The following DPP6 variants were observed in gnomAD, a reference collection of about 807,000 sequenced individuals.
DPP6 encodes dipeptidyl peptidase like 6.
DPP6 carries 69 observed loss-of-function variants against 122.6 expected under a neutral mutation model. The ratio of observed to expected loss-of-function variants is 0.56; its 90% CI spans 0.46 to 0.69. The LOEUF is 0.69. DPP6 is among the 30% of genes least tolerant of loss of function. DPP6 has a pLI of 0.00. For synonymous variants in DPP6, 418 were observed against 433.1 expected (o/e 0.97, Z 0.43); for missense variants, 928 against 1,116.9 (o/e 0.83, Z 2.41).
At chr7:153,815,054 A>G in the DPP6 span, among the ~76,000 whole-genome samples, 1 of 152,222 alleles carries the variant, frequency 6.6e-6, no homozygotes, top group Admixed American at 6.5e-5. Context: ...GGCACAAGAC[A>G]GGGATGGCCT....
At chr7:154,332,014 A>G (rs1044655702) in intron 1 of DPP6, among the ~76,000 whole-genome samples, 2 of 152,162 alleles carry the variant, frequency 1.3e-5, no homozygotes, top group Non-Finnish European at 2.9e-5. Context: ...CATAGAAAGT[A>G]AGAAATACAG....
chr7:154,571,796 C>T (rs1460145570), intron 5 of DPP6, among the ~76,000 whole-genome samples: 1 of 152,174 alleles, frequency 6.6e-6, no homozygotes, highest in Non-Finnish European at 1.5e-5. Context: ...AACTGAAACA[C>T]ATAAACCAAT....
intron 10 of DPP6, among the ~76,000 whole-genome samples, chr7:154,776,190 C>T (rs1423040091): frequency 1.9e-5 from 2 of 108,038 alleles, no homozygotes; most frequent in Non-Finnish European, 4.1e-5. Context: ...CAGAAGCCCC[C>T]ATGATAGATG....
At chr7:154,323,006 A>G (rs939628301) in intron 1 of DPP6, among the ~76,000 whole-genome samples, 2 of 152,152 alleles carry the variant, frequency 1.3e-5, no homozygotes, top group Non-Finnish European at 2.9e-5. Flanking sequence ...CTTCTGTTTT[A>G]TAGTGTGTTC....
chr7:154,325,021 T>G (rs763129432), intron 1 of DPP6, among the ~76,000 whole-genome samples: 1 of 152,012 alleles, frequency 6.6e-6, no homozygotes, highest in African/African-American at 2.4e-5. Flanking sequence ...TGTACCACCA[T>G]GCTTGGCTAA....
chr7:154,341,730 C>T (rs1809951251), intron 1 of DPP6, among the ~76,000 whole-genome samples: 5 of 151,756 alleles, frequency 3.3e-5, no homozygotes, highest in Admixed American at 3.3e-4. Context: ...CACTTTTCTC[C>T]TTGATGACAT....
intron 16 of DPP6, among the ~76,000 whole-genome samples, chr7:154,813,286 T>C (rs1466266041): frequency 2.0e-5 from 3 of 151,998 alleles, no homozygotes. Flanking sequence ...GTTTTCACTG[T>C]GTTAGCCAGG....
At chr7:154,401,770 T>C (rs1052129206) in intron 1 of DPP6, among the ~76,000 whole-genome samples, 9 of 152,092 alleles carry the variant, frequency 5.9e-5, no homozygotes, top group African/African-American at 2.2e-4. Flanking sequence ...ACTAAAGAGC[T>C]TCTGCACAGC....
chr7:153,976,247 G>A (rs1309121337), intron 1 of DPP6, among the ~76,000 whole-genome samples: 1 of 152,180 alleles, frequency 6.6e-6, no homozygotes, highest in Non-Finnish European at 1.5e-5. Flanking sequence ...TGTAGAATGT[G>A]AGGGAACCAG....
At position 154,833,951 on chromosome 7, in the gene DPP6, T is replaced by C. The variant is rs1051863892; in HGVS notation, c.1667-19829T>C. Among the ~76,000 whole-genome samples the C allele has an allele frequency of 1.3e-5, 2 of 152,114 alleles. No homozygotes were observed. The highest frequency in any genetic ancestry group is 6.5e-5 in the Admixed American group (1 of 15,286). On this transcript the variant is annotated intron_variant, in intron 16 of 25. Transcript: ENST00000377770. This position sits in a 1 kb window ranked among gnomAD's most constrained non-coding sequence, Gnocchi z 4.3. ...CCCGGGGCTGCACGGATGTAGCTCATCTTCACGCAGACAAGAATAAGGACG... is the reference window on the plus strand; with the variant it reads ...CCCGGGGCTGCACGGATGTAGCTCACCTTCACGCAGACAAGAATAAGGACG...
chr7:154,055,929 GA>G (rs954626469), intron 1 of DPP6: 2 of 152,224 alleles, frequency 1.3e-5, no homozygotes, highest in African/African-American at 2.4e-5. Flanking sequence ...CTTCTGTCTG[GA>G]AATTGAGAAA....
intron 17 of DPP6, 78 bp from the exon 18 acceptor site, chr7:154,867,917 C>T (rs908457661): frequency 6.8e-7 from 1 of 1,468,928 alleles, no homozygotes; most frequent in Admixed American, 2.5e-5. Flanking sequence ...CAGTTACGCA[C>T]ATGAAAAGCC....
intron 7 of DPP6, among the ~76,000 whole-genome samples, chr7:154,678,363 A>G (rs60851048): frequency 0.11 from 16,202 of 152,260 alleles, 935 homozygotes; most frequent in East Asian, 0.15. Flanking sequence ...CACTCACTGC[A>G]AAGGTCTGCA....
chr7:154,678,812 G>A (rs1471457519), intron 7 of DPP6, among the ~76,000 whole-genome samples: 2 of 152,218 alleles, frequency 1.3e-5, no homozygotes, highest in Non-Finnish European at 2.9e-5. Flanking sequence ...GACCTTGACT[G>A]AGAGACTTAA....
chr7:154,821,651 T>TATATATATATATATACAC lies in DPP6; in HGVS notation c.1666+14552_1666+14553insTACACATATATATATATA, dbSNP rs1799782524. On this transcript the variant is annotated intron_variant, in intron 16 of 25. Coordinates refer to ENST00000377770, the MANE Select transcript of DPP6 (RefSeq NM_130797.4). This position sits in a 1 kb window ranked among gnomAD's most constrained non-coding sequence, Gnocchi z 4.2. ...CTGTATATATATATATATATACACA[T>TATATATATATATATACAC]ATATATATATATACACATATATATA... 1.2e-4 allele frequency among the ~76,000 whole-genome samples: 1 copy of TATATATATATATATACAC among 8,524 alleles called. No homozygotes were observed. The highest frequency in any genetic ancestry group is 2.4e-4 in the African/African-American group (1 of 4,082). The allele number at this position is 8,524 out of a possible 152,430, so 5.6% of individuals were successfully genotyped here. A position where few individuals can be genotyped will look rare whatever the true frequency, so the allele number is the denominator to read the frequency against.
intron 1 of DPP6, among the ~76,000 whole-genome samples, chr7:154,148,674 T>A (rs542385334): frequency 7.7e-4 from 117 of 152,392 alleles, no homozygotes; most frequent in Admixed American, 1.7e-3. Flanking sequence ...TCTGAAGCAG[T>A]GATATTTAAT....
At chr7:153,883,874 G>A (rs1004625708), upstream of DPP6, among the ~76,000 whole-genome samples, 1 of 152,170 alleles carries the variant, frequency 6.6e-6, no homozygotes, top group Non-Finnish European at 1.5e-5. Context: ...CAGGGCTCTG[G>A]GTCACAAGCT....
At chr7:154,321,151 C>T (rs1464190196) in intron 1 of DPP6, among the ~76,000 whole-genome samples, 1 of 152,006 alleles carries the variant, frequency 6.6e-6, no homozygotes, top group Non-Finnish European at 1.5e-5. Flanking sequence ...GTGGTGCATG[C>T]CTGTAGTCCC....
chr7:154,672,808 A>G (rs1374973885), intron 7 of DPP6, among the ~76,000 whole-genome samples: 1 of 152,208 alleles, frequency 6.6e-6, no homozygotes, highest in Admixed American at 6.5e-5. Context: ...AAGGTCAGAT[A>G]GCACATGTTT....
Sources: allele counts gnomAD v4.1 joint callset (sites outside exome capture counted in the v4.1 genomes callset), GRCh38; gene constraint gnomAD v4.1.1; non-coding constraint Gnocchi (gnomAD v3.1); transcripts MANE v1.5; gene names NCBI Gene and HGNC (gene_info 2026-07-23, HGNC 2026-07-21).